ABR: variants seen among roughly 807,000 people sequenced by gnomAD.
ABR encodes ABR activator of RhoGEF and GTPase.
In ABR, 35 loss-of-function variants were observed where a neutral mutation model predicts 107.2. The ratio of observed to expected loss-of-function variants is 0.33; its 90% confidence interval spans 0.25 to 0.43. The LOEUF is 0.43. ABR is among the 20% of genes least tolerant of loss of function. The pLI, the probability that ABR is intolerant of heterozygous loss-of-function variation, is 1.00. For missense variants in ABR, 815 were observed against 1,115.2 expected, an observed-to-expected ratio of 0.73 and a Z score of 3.83; for synonymous variants, 498 against 462.0, an observed-to-expected ratio of 1.08 and a Z score of -1.00.
At chr17:1,215,703 A>G (rs2042988385) in intron 1 of ABR, among the ~76,000 whole-genome samples, 1 of 152,182 alleles carries the variant, frequency 6.6e-6, no homozygotes, top group African/African-American at 2.4e-5. Context: ...AGAACGGGCC[A>G]TGATGACGAT....
chr17:1,120,738 G>A (rs2039309446), intron 2 of ABR, among the ~76,000 whole-genome samples: 1 of 152,200 alleles, frequency 6.6e-6, no homozygotes, highest in South Asian at 2.1e-4. Context: ...TGTGAGGTCA[G>A]GAGGGAGGAA....
chr17:1,138,709 C>A (rs1388543094), intron 1 of ABR, among the ~76,000 whole-genome samples: 2 of 152,148 alleles, frequency 1.3e-5, no homozygotes, highest in African/African-American at 4.8e-5. Flanking sequence ...GAACTCCTGG[C>A]CTCAAAGAGT....
intron 10 of ABR, among the ~76,000 whole-genome samples, chr17:1,066,573 G>C (rs1319457550): frequency 1.3e-5 from 2 of 151,158 alleles, no homozygotes; most frequent in East Asian, 3.9e-4. Flanking sequence ...CTATTGCCTA[G>C]ACTGGAGTGC....
intron 1 of ABR, among the ~76,000 whole-genome samples, chr17:1,153,068 G>A (rs903954134): frequency 4.0e-5 from 6 of 151,792 alleles, no homozygotes; most frequent in African/African-American, 1.2e-4. Context: ...GTGAAACTCC[G>A]TTAAAAAAAA....
At chr17:1,034,335 C>G (rs571874763) in intron 16 of ABR, among the ~76,000 whole-genome samples, 2 of 151,982 alleles carry the variant, frequency 1.3e-5, no homozygotes, top group African/African-American at 2.4e-5. Flanking sequence ...ATCACAGAGA[C>G]GAATCAAAAG....
At chr17:1,110,754 G>C (rs1046223344) in intron 2 of ABR, among the ~76,000 whole-genome samples, 1 of 152,198 alleles carries the variant, frequency 6.6e-6, no homozygotes, top group African/African-American at 2.4e-5. Context: ...ATTGCGGGGT[G>C]AGCCCTTGAG....
chr17:1,225,711 A>T lies in ABR; in HGVS notation c.838+3082T>A, dbSNP rs1470001446. Among the ~76,000 whole-genome samples the T allele has an allele frequency of 4.6e-5, 7 of 152,132 alleles. No homozygotes were observed. In the East Asian group the frequency reaches 1.3e-3, roughly 29 times the overall value. On this transcript the variant is annotated intron_variant, in intron 1 of 22. Transcript: ENST00000574139. ...AGAAAAATGACCTGTAGTAGTGGTT[A>T]ATTAACACTTATGGGTGCTTCCTAC... is the stretch of plus-strand genomic sequence containing the variant.
At chr17:1,122,319 C>T (rs2039391016) in intron 2 of ABR, among the ~76,000 whole-genome samples, 1 of 152,234 alleles carries the variant, frequency 6.6e-6, no homozygotes, top group African/African-American at 2.4e-5. Flanking sequence ...CACAAGGTGT[C>T]CAGATACTTG....
At chr17:1,054,131 G>A (rs1254012291) in intron 14 of ABR, among the ~76,000 whole-genome samples, 1 of 152,210 alleles carries the variant, frequency 6.6e-6, no homozygotes, top group Non-Finnish European at 1.5e-5. Context: ...CGGCGTCCTC[G>A]TGTGTAAAAC....
Position 1,005,944 on chromosome 17 carries a change from A to T in ABR, c.*136T>A. ...GTGGCACAAAAGACGTACGCATTCC[A>T]GTTCTTGGAAGCTGGCTTCCCTCGA... On this transcript the variant is annotated 3_prime_UTR_variant, in exon 23 of 23. Transcript: ENST00000302538. 1 of 822,762 alleles carries T rather than the reference A, an allele frequency of 1.2e-6. No homozygotes were observed. Among genetic ancestry groups the T allele is most frequent in the Middle Eastern group, 2.3e-4 (1 of 4,312 alleles). 51.0% of individuals were successfully genotyped at this position (822,762 alleles called of 1,614,324 possible).
intron 18 of ABR, 23 bp downstream of exon 18, chr17:1,012,665 G>A (rs760093359): frequency 7.8e-6 from 12 of 1,545,362 alleles, no homozygotes; most frequent in Non-Finnish European, 9.7e-6. Context: ...CGCCAGGACT[G>A]GGAGACCCGA....
chr17:1,187,410 G>T (rs2042328262), upstream of ABR: 1 of 152,334 alleles, frequency 6.6e-6, no homozygotes, highest in Non-Finnish European at 1.5e-5. Flanking sequence ...GCCACCAGAG[G>T]CTTCCAGCCA....
chr17:1,033,143 G>A (rs771036369), intron 16 of ABR, among the ~76,000 whole-genome samples: 4 of 152,236 alleles, frequency 2.6e-5, no homozygotes, highest in Non-Finnish European at 5.9e-5. Context: ...GCTGGGTCAG[G>A]ACATTTCTTG....
At chr17:1,053,722 G>C (rs1167487630) in intron 14 of ABR, among the ~76,000 whole-genome samples, 1 of 152,160 alleles carries the variant, frequency 6.6e-6, no homozygotes, top group Non-Finnish European at 1.5e-5. Flanking sequence ...TTTTGGAGCA[G>C]CTCAGCCGGC....
intron 14 of ABR, among the ~76,000 whole-genome samples, chr17:1,053,791 G>A (rs1017651609): frequency 1.3e-5 from 2 of 152,160 alleles, no homozygotes; most frequent in African/African-American, 2.4e-5. Context: ...AGGACCTCCC[G>A]GCCAACGGGA....
chr17:1,030,928 A>G (rs1038324911), intron 16 of ABR, among the ~76,000 whole-genome samples: 22 of 152,186 alleles, frequency 1.4e-4, no homozygotes, highest in Admixed American at 1.4e-3. Flanking sequence ...GCCTGATGCC[A>G]GGGCCCCAAG....
upstream of ABR, among the ~76,000 whole-genome samples, chr17:1,188,138 TCGAGG>T (rs977180964): frequency 2.0e-5 from 3 of 151,158 alleles, no homozygotes; most frequent in Admixed American, 6.6e-5. Flanking sequence ...TCACTTGAGA[TCGAGG>T]CTGCAGTGAA....
chr17:1,155,975 G>T (rs1044400414), intron 1 of ABR: 1 of 81,716 alleles, frequency 1.2e-5, no homozygotes, highest in Non-Finnish European at 2.7e-5. Context: ...AAAAAAAAAA[G>T]GATAGGGTGG....
intron 16 of ABR, among the ~76,000 whole-genome samples, chr17:1,047,675 A>T (rs1286892681): frequency 6.6e-6 from 1 of 152,202 alleles, no homozygotes; most frequent in East Asian, 1.9e-4. Context: ...CATTCCTCGA[A>T]GCTTAAACAC....
Sources: gnomAD v4.1 joint callset for allele counts (sites outside exome capture counted in the v4.1 genomes callset) on GRCh38, gnomAD v4.1.1 for gene constraint, MANE v1.5 for transcripts, NCBI Gene and HGNC (gene_info 2026-07-23, HGNC 2026-07-21) for gene names.